The following ELP4 variants were observed in gnomAD, a reference collection of about 807,000 sequenced individuals.
ELP4 encodes the protein elongator acetyltransferase complex subunit 4.
In ELP4, 51 loss-of-function variants were observed where a neutral mutation model predicts 48.9. The ratio of observed to expected loss-of-function variants is 1.04; its 90% CI spans 0.83 to 1.32. The LOEUF (loss-of-function observed/expected upper bound fraction) is 1.32. Among genes scored for constraint, ELP4 ranks in the 40% most tolerant of loss-of-function variants. ELP4 has a pLI of 0.00. For missense variants in ELP4, 519 were observed against 514.6 expected, an observed-to-expected ratio of 1.01 and a Z score of -0.08; for synonymous variants, 210 against 189.2, an observed-to-expected ratio of 1.11 and a Z score of -0.90.
intron 3 of ELP4, among the ~76,000 whole-genome samples, chr11:31,550,668 C>A (rs756540754): frequency 7.2e-5 from 11 of 152,110 alleles, no homozygotes; most frequent in Admixed American, 7.2e-4. Context: ...GATTTTCCAT[C>A]GAAACTCTTG....
At chr11:31,543,510 G>A (rs1333833335) in intron 3 of ELP4, among the ~76,000 whole-genome samples, 2 of 151,992 alleles carry the variant, frequency 1.3e-5, no homozygotes, top group African/African-American at 2.4e-5. Context: ...TAGTAGAGAC[G>A]GGGTTTCACC....
chr11:31,591,449 T>C (rs960035188), intron 3 of ELP4, among the ~76,000 whole-genome samples: 14 of 133,756 alleles, frequency 1.0e-4, no homozygotes, highest in Non-Finnish European at 1.6e-4. Flanking sequence ...AAAACCATGA[T>C]AGACATATTT....
Position 31,524,333 on chromosome 11 carries a change from G to A in ELP4, c.259+4242G>A, listed in dbSNP as rs1398440994. 3.3e-5 allele frequency among the ~76,000 whole-genome samples: 5 copies of A among 152,214 alleles called. No individual in the cohort carries two copies. The East Asian group carries it at 5.8e-4, about 18-fold the overall frequency. ...AAGGGAACTATCTGCTTTCAAGCTC[G>A]TGGTTGTTTACAACATTCAGCTCCT... On this transcript the variant is annotated intron_variant, in intron 2 of 9. Transcript: ENST00000640961.
chr11:31,626,998 G>A, intron 5 of ELP4, 112 bp from the exon 6 acceptor site: 2 of 601,168 alleles, frequency 3.3e-6, no homozygotes, highest in South Asian at 4.9e-5. Context: ...ACATTCTTAA[G>A]TAATCTAATA....
At chr11:31,548,541 G>A (rs572612747) in intron 3 of ELP4, among the ~76,000 whole-genome samples, 3,021 of 152,158 alleles carry the variant, frequency 0.02, 94 homozygotes, top group African/African-American at 0.068. Context: ...AATCAATATC[G>A]TGAAAATGGC....
At chr11:31,578,396 A>T (rs1488863726) in intron 3 of ELP4, among the ~76,000 whole-genome samples, 4 of 152,226 alleles carry the variant, frequency 2.6e-5, no homozygotes, top group Non-Finnish European at 5.9e-5. Context: ...TGCCATCCCC[A>T]TCAAGCTACC....
intron 9 of ELP4, among the ~76,000 whole-genome samples, chr11:31,674,569 A>C (rs1474927411): frequency 6.6e-6 from 1 of 152,240 alleles, no homozygotes; most frequent in Non-Finnish European, 1.5e-5. Flanking sequence ...AAAACATTTA[A>C]TATGGAAAGG....
intron 4 of ELP4, among the ~76,000 whole-genome samples, chr11:31,601,836 C>T (rs1010127551): frequency 2.0e-5 from 3 of 152,092 alleles, no homozygotes; most frequent in Admixed American, 2.0e-4. Context: ...GAATGTGGTA[C>T]ATTGAGGCCT....
chr11:31,535,148 T>C (rs1956479023), intron 2 of ELP4, among the ~76,000 whole-genome samples: 2 of 152,210 alleles, frequency 1.3e-5, no homozygotes, highest in African/African-American at 4.8e-5. Context: ...GCTATGTGTT[T>C]TAATATATAA....
chr11:31,544,532 G>T (rs2133914758), intron 3 of ELP4, among the ~76,000 whole-genome samples: 1 of 152,330 alleles, frequency 6.6e-6, no homozygotes, highest in South Asian at 2.1e-4. Flanking sequence ...CACAGCTCAA[G>T]GAGGCCTGCC....
intron 2 of ELP4, among the ~76,000 whole-genome samples, chr11:31,522,322 G>A (rs1377745523): frequency 1.3e-5 from 2 of 151,954 alleles, no homozygotes; most frequent in Admixed American, 6.6e-5. Flanking sequence ...TTGCTTTTTC[G>A]GATCCTCAGC....
intron 5 of ELP4, among the ~76,000 whole-genome samples, chr11:31,623,205 T>C (rs1944658455): frequency 1.3e-5 from 2 of 150,676 alleles, no homozygotes; most frequent in African/African-American, 2.4e-5. Context: ...CAGGATCATA[T>C]TTTTAACTGG....
intron 3 of ELP4, among the ~76,000 whole-genome samples, chr11:31,570,114 T>A (rs143208809): frequency 6.6e-6 from 1 of 152,270 alleles, no homozygotes; most frequent in Non-Finnish European, 1.5e-5. Context: ...CCAACCCAGG[T>A]GCCCGTCAAC....
chr11:31,786,771 A>G lies in ELP4; in HGVS notation c.*3247A>G, dbSNP rs1370739349. 5 of 221,746 alleles carry G rather than the reference A, an allele frequency of 2.3e-5. No homozygotes were observed. The highest frequency in any genetic ancestry group is 3.6e-5 in the Non-Finnish European group (4 of 110,836). 13.7% of individuals were successfully genotyped at this position (221,746 alleles called of 1,614,324 possible). The stretch of plus-strand genomic sequence containing the variant: ...TAGGAGGCATAGCTTTGGGGGAAAA[A>G]TATTCTAGAAATTCATTGCAGTAAA... On this transcript the variant is annotated 3_prime_UTR_variant, in exon 10 of 10. Coordinates refer to ENST00000640961, the MANE Select transcript of ELP4 (RefSeq NM_019040.5).
At chr11:31,566,326 C>G (rs1385123355) in intron 3 of ELP4, among the ~76,000 whole-genome samples, 10 of 151,736 alleles carry the variant, frequency 6.6e-5, no homozygotes. Flanking sequence ...CCACTGCACT[C>G]TATCCTGGGC....
intron 2 of ELP4, among the ~76,000 whole-genome samples, chr11:31,537,263 G>A (rs1028711424): frequency 6.6e-6 from 1 of 152,076 alleles, no homozygotes; most frequent in Non-Finnish European, 1.5e-5. Flanking sequence ...AGTTATTGCA[G>A]GACCATTTGT....
chr11:31,518,186 G>A (rs1012697771), intron 1 of ELP4, among the ~76,000 whole-genome samples: 4 of 148,132 alleles, frequency 2.7e-5, no homozygotes, highest in Non-Finnish European at 4.5e-5. Flanking sequence ...GGCTCAGTGC[G>A]ACCTCCACCT....
chr11:31,764,835 T>G (rs1948011238), intron 9 of ELP4, among the ~76,000 whole-genome samples: 1 of 152,206 alleles, frequency 6.6e-6, no homozygotes, highest in Admixed American at 6.5e-5. Context: ...TTTATTATTT[T>G]TTCAACAAAC....
chr11:31,634,578 T>C (rs1944932791), intron 7 of ELP4, among the ~76,000 whole-genome samples: 1 of 152,034 alleles, frequency 6.6e-6, no homozygotes, highest in Non-Finnish European at 1.5e-5. Context: ...TCCTGTACCC[T>C]CTGTTTAAGG....
Sources: allele counts gnomAD v4.1 joint callset (sites outside exome capture counted in the v4.1 genomes callset), GRCh38; gene constraint gnomAD v4.1.1; transcripts MANE v1.5; gene names NCBI Gene and HGNC (gene_info 2026-07-23, HGNC 2026-07-21).